The following MYO5B variants were observed in gnomAD, a reference collection of about 807,000 sequenced individuals.
MYO5B encodes the protein unconventional myosin-Vb.
Under a neutral mutation model 229.3 loss-of-function variants are expected in MYO5B, and 143 were observed. That is an observed-to-expected ratio of 0.62 (90% CI 0.54 to 0.72). The LOEUF is 0.72. MYO5B is among the 30% of genes least tolerant of loss of function. The pLI is 0.00. For missense variants in MYO5B, 2,321 were observed against 2,331.0 expected, an observed-to-expected ratio of 1.00 and a Z score of 0.09; for synonymous variants, 918 against 885.2, an observed-to-expected ratio of 1.04 and a Z score of -0.66.
rs560570271 is a variant in MYO5B at position 49,898,363 on chromosome 18, T to C, written c.2812-3189A>G. ...TGTGTCATATTTCTCATATAAAATA[T>C]ATTTAAGGATAACCTTATATTCATA... On this transcript the variant is annotated intron_variant, in intron 21 of 39. Coordinates refer to ENST00000285039, the MANE Select transcript of MYO5B (RefSeq NM_001080467.3). Among the ~76,000 whole-genome samples, 480 of 152,376 alleles carry C rather than the reference T, an allele frequency of 3.2e-3. 4 individuals carry two copies. The highest frequency in any genetic ancestry group is 9.6e-3 in the African/African-American group (401 of 41,582).
At chr18:50,144,615 A>G (rs934780457) in intron 1 of MYO5B, among the ~76,000 whole-genome samples, 3 of 152,226 alleles carry the variant, frequency 2.0e-5, no homozygotes, top group African/African-American at 7.2e-5. Context: ...ATAACCCCCA[A>G]AAGACCTTAG....
chr18:49,922,448 C>T (rs943548226), intron 17 of MYO5B, among the ~76,000 whole-genome samples: 4 of 152,158 alleles, frequency 2.6e-5, no homozygotes, highest in African/African-American at 9.7e-5. Flanking sequence ...ATCCTACATG[C>T]TGTGGCTTGG....
intron 25 of MYO5B, chr18:49,876,343 T>C (rs2144100739): frequency 4.1e-6 from 1 of 244,112 alleles, no homozygotes; most frequent in South Asian, 5.6e-5. Flanking sequence ...AAGCATCTAT[T>C]TCCCAGATTT....
intron 21 of MYO5B, among the ~76,000 whole-genome samples, chr18:49,895,467 G>A (rs1405629802): frequency 6.6e-6 from 1 of 152,194 alleles, no homozygotes; most frequent in South Asian, 2.1e-4. Flanking sequence ...TGGCTTTATG[G>A]CTGGGTGGAT....
At chr18:49,842,457 T>A (rs2024070030) in intron 34 of MYO5B, among the ~76,000 whole-genome samples, 2 of 152,202 alleles carry the variant, frequency 1.3e-5, no homozygotes, top group African/African-American at 4.8e-5. Context: ...ACTCAGAGCT[T>A]TTGAGAATGG....
chr18:49,916,896 T>G (rs748663865), intron 17 of MYO5B, among the ~76,000 whole-genome samples: 2 of 152,216 alleles, frequency 1.3e-5, no homozygotes, highest in African/African-American at 4.8e-5. Flanking sequence ...AGGAAAATCT[T>G]CAAAGTGAAG....
chr18:49,980,641 TAATAAGGTTTGA>T, intron 8 of MYO5B, 88 bp from the exon 9 acceptor site: 9 of 952,066 alleles, frequency 9.5e-6, no homozygotes, highest in Non-Finnish European at 1.3e-5. Flanking sequence ...TTTTTTTTTT[TAATAAGGTTTGA>T]TTTTTCTTTC....
chr18:50,046,497 T>C (rs1034609220), intron 2 of MYO5B, among the ~76,000 whole-genome samples: 9 of 152,288 alleles, frequency 5.9e-5, no homozygotes, highest in South Asian at 2.1e-4. Flanking sequence ...TCCAACTTCA[T>C]TGGCTGAAGG....
At chr18:49,857,526 C>T (rs1377515519) in intron 29 of MYO5B, among the ~76,000 whole-genome samples, 1 of 152,184 alleles carries the variant, frequency 6.6e-6, no homozygotes, top group Non-Finnish European at 1.5e-5. Context: ...ATTAACTAAT[C>T]TTAACTTCAG....
chr18:49,840,102 G>C (rs2024039048), intron 35 of MYO5B: 2 of 152,394 alleles, frequency 1.3e-5, no homozygotes, highest in African/African-American at 4.8e-5. Flanking sequence ...TCATGCTGTG[G>C]TTCAGCTCTT....
chr18:49,963,402 TAATTAATTA>T lies in MYO5B; in HGVS notation c.1323-381_1323-373del, dbSNP rs1184118464. Among the ~76,000 whole-genome samples the T allele has an allele frequency of 5.7e-3, 829 of 144,508 alleles. 5 individuals carry two copies. The highest frequency in any genetic ancestry group is 0.02 in the African/African-American group (777 of 38,526). The allele number at this position is 144,508 out of a possible 152,430, so 94.8% of individuals were successfully genotyped here. Reference sequence around the variant, plus strand: ...TATGTAACATTTTACTTATTTAATTTAATTAATTAATTAATTTATTTATTTATTTATTTA... The same window carrying T: ...TATGTAACATTTTACTTATTTAATTTATTAATTTATTTATTTATTTATTTA... On this transcript the variant is annotated intron_variant, in intron 10 of 39. Transcript: ENST00000285039.
chr18:49,878,826 C>G (rs2024554608), intron 24 of MYO5B, 119 bp downstream of exon 24: 12 of 1,226,094 alleles, frequency 9.8e-6, no homozygotes, highest in Middle Eastern at 5.3e-4. Context: ...GCAAGTGCTG[C>G]ACATATGACA....
At chr18:49,863,177 G>C in intron 29 of MYO5B, 50 bp downstream of exon 29, 1 of 1,419,128 alleles carries the variant, frequency 7.0e-7, no homozygotes, top group Non-Finnish European at 9.9e-7. Flanking sequence ...CGTTTGGGCA[G>C]GGCCCTTCTC....
At chr18:50,053,468 C>T (rs1006811237) in intron 2 of MYO5B, among the ~76,000 whole-genome samples, 4 of 152,140 alleles carry the variant, frequency 2.6e-5, no homozygotes, top group Non-Finnish European at 2.9e-5. Flanking sequence ...TCAACTGAAA[C>T]GAAATCTGCT....
At chr18:50,066,762 G>A (rs1036972803) in intron 1 of MYO5B, among the ~76,000 whole-genome samples, 9 of 152,120 alleles carry the variant, frequency 5.9e-5, no homozygotes, top group East Asian at 3.8e-4. Flanking sequence ...AGTTGCCTCC[G>A]ATTTCCATCC....
chr18:49,823,926 GA>G lies in MYO5B; in HGVS notation c.*2544del, dbSNP rs1373651778. 1 of 152,590 alleles carries G rather than the reference GA, an allele frequency of 6.6e-6. No homozygotes were observed. Among genetic ancestry groups the G allele is most frequent in the East Asian group, 1.9e-4 (1 of 5,198 alleles). The allele number at this position is 152,590 out of a possible 1,614,324, so 9.5% of individuals were successfully genotyped here. A position where few individuals can be genotyped will look rare whatever the true frequency, so the allele number is the denominator to read the frequency against. ...GTTTTAAAAGACAAAACTCCCCCAT[GA>G]TATCACCTTGAACATTAAAATTATT... On this transcript the variant is annotated 3_prime_UTR_variant, in exon 40 of 40. Transcript: ENST00000285039.
chr18:50,052,735 A>G (rs944086887), intron 2 of MYO5B, among the ~76,000 whole-genome samples: 4 of 151,718 alleles, frequency 2.6e-5, no homozygotes, highest in African/African-American at 7.2e-5. Context: ...GGTAAATTTT[A>G]TGCTACATAT....
chr18:49,997,267 TA>T (rs58927375), intron 5 of MYO5B, among the ~76,000 whole-genome samples: 1,032 of 100,744 alleles, frequency 0.01, 9 homozygotes, highest in African/African-American at 0.021. Context: ...GTCCTGTCTT[TA>T]AAAAAAAAAA....
At chr18:49,967,324 A>C (rs943496888) in intron 10 of MYO5B, among the ~76,000 whole-genome samples, 4 of 152,244 alleles carry the variant, frequency 2.6e-5, no homozygotes, top group African/African-American at 9.6e-5. Context: ...AAAGTCAATT[A>C]GTCACTAAGT....
Sources: allele counts gnomAD v4.1 joint callset (sites outside exome capture counted in the v4.1 genomes callset), GRCh38; gene constraint gnomAD v4.1.1; transcripts MANE v1.5; gene names NCBI Gene and HGNC (gene_info 2026-07-23, HGNC 2026-07-21).